Variants in GALNT13 observed in about 807,000 individuals in gnomAD.
The protein encoded by GALNT13 is polypeptide N-acetylgalactosaminyltransferase 13.
A neutral mutation model predicts 64.2 loss-of-function variants in GALNT13; 28 were observed. The observed-to-expected ratio is 0.44, with a 90% CI of 0.32 to 0.60. The LOEUF is 0.60. Ranked by LOEUF, GALNT13 falls within the 20% of genes least tolerant of loss-of-function variation. GALNT13 has a pLI of 0.05. For synonymous variants in GALNT13, 214 were observed against 224.6 expected, an observed-to-expected ratio of 0.95 and a Z score of 0.42; for missense variants, 577 against 669.8, an observed-to-expected ratio of 0.86 and a Z score of 1.53.
chr2:154,012,327 G>A (rs1489216543), intron 3 of GALNT13, among the ~76,000 whole-genome samples: 1 of 144,500 alleles, frequency 6.9e-6, no homozygotes, highest in Non-Finnish European at 1.6e-5. Flanking sequence ...CATTTATGAG[G>A]CTTAGTGTGG....
chr2:154,230,974 G>A (rs112540129), intron 4 of GALNT13, among the ~76,000 whole-genome samples: 3,539 of 152,144 alleles, frequency 0.023, 120 homozygotes, highest in African/African-American at 0.073. Context: ...AAGAGAGGAG[G>A]TGGGCTTGTA....
At chr2:153,109,128 T>C in the GALNT13 span, among the ~76,000 whole-genome samples, 1 of 152,168 alleles carries the variant, frequency 6.6e-6, no homozygotes, top group East Asian at 1.9e-4. Flanking sequence ...TGTTCTGTTT[T>C]AGTACCCTAC....
the GALNT13 span, among the ~76,000 whole-genome samples, chr2:153,130,381 C>T: frequency 6.6e-6 from 1 of 152,084 alleles, no homozygotes; most frequent in South Asian, 2.1e-4. Context: ...GGTACAATCT[C>T]GTGAGCTTTA....
chr2:154,417,513 A>ATTTTTT (rs1387223429), intron 11 of GALNT13, among the ~76,000 whole-genome samples: 3 of 130,278 alleles, frequency 2.3e-5, no homozygotes, highest in South Asian at 2.2e-4. Context: ...TTATTTATTT[A>ATTTTTT]TTTATTTATT....
the GALNT13 span, among the ~76,000 whole-genome samples, chr2:153,075,483 T>C: frequency 6.6e-6 from 1 of 152,174 alleles, no homozygotes; most frequent in Non-Finnish European, 1.5e-5. Flanking sequence ...TGACCAATTA[T>C]ATAATTACTG....
chr2:153,703,565 G>C, the GALNT13 span, among the ~76,000 whole-genome samples: 1 of 151,728 alleles, frequency 6.6e-6, no homozygotes, highest in Non-Finnish European at 1.5e-5. Flanking sequence ...TACTTCCAAA[G>C]AGTTGCTCTT....
At chr2:153,397,271 A>G in the GALNT13 span, among the ~76,000 whole-genome samples, 2 of 152,174 alleles carry the variant, frequency 1.3e-5, no homozygotes, top group Non-Finnish European at 2.9e-5. Flanking sequence ...TGTATGTTCA[A>G]ATCTATGCAT....
chr2:153,704,592 A>G, the GALNT13 span, among the ~76,000 whole-genome samples: 1 of 152,192 alleles, frequency 6.6e-6, no homozygotes. Context: ...TGAAATAAGC[A>G]AAGTGGCTAT....
At chr2:154,116,183 A>G (rs1681548349) in intron 3 of GALNT13, among the ~76,000 whole-genome samples, 1 of 152,152 alleles carries the variant, frequency 6.6e-6, no homozygotes, top group African/African-American at 2.4e-5. Flanking sequence ...GGGATGGGGA[A>G]GCTGTTTCTT....
At chr2:153,536,558 T>C in the GALNT13 span, among the ~76,000 whole-genome samples, 14 of 152,192 alleles carry the variant, frequency 9.2e-5, no homozygotes, top group African/African-American at 1.7e-4. Flanking sequence ...GAGAGAGATA[T>C]CAAGTTTTAA....
rs140388852 is a variant in GALNT13, at chr2:154,290,535, A to G, written c.976-10874A>G. On this transcript the variant is annotated intron_variant, in intron 8 of 12. Coordinates refer to ENST00000392825, the MANE Select transcript of GALNT13 (RefSeq NM_052917.4). Reference sequence around the variant, plus strand: ...GGAGGCGGCTTATTCTTTATTGGCTATGTAGGTTCCCAGATACTGGCTTGT... The same window carrying G: ...GGAGGCGGCTTATTCTTTATTGGCTGTGTAGGTTCCCAGATACTGGCTTGT... 3.2e-4 allele frequency among the ~76,000 whole-genome samples: 49 copies of G among 152,296 alleles called. No homozygotes were observed. The South Asian group carries it at 1.0e-2, about 31-fold the overall frequency.
At chr2:153,665,324 G>A in the GALNT13 span, among the ~76,000 whole-genome samples, 3 of 152,180 alleles carry the variant, frequency 2.0e-5, no homozygotes, top group Non-Finnish European at 2.9e-5. Flanking sequence ...AAGAAAGGAA[G>A]CATGACCAGC....
At chr2:153,389,415 A>G in the GALNT13 span, among the ~76,000 whole-genome samples, 1 of 152,020 alleles carries the variant, frequency 6.6e-6, no homozygotes, top group Non-Finnish European at 1.5e-5. Context: ...TAAGAGGTAA[A>G]GGCTTCATGG....
At chr2:154,310,756 T>C (rs1409604398) in intron 9 of GALNT13, among the ~76,000 whole-genome samples, 1 of 152,074 alleles carries the variant, frequency 6.6e-6, no homozygotes, top group Non-Finnish European at 1.5e-5. Context: ...CTGGGTTAAT[T>C]CAAATCCTGA....
At chr2:154,032,692 A>C (rs546358446) in intron 3 of GALNT13, among the ~76,000 whole-genome samples, 5 of 152,084 alleles carry the variant, frequency 3.3e-5, no homozygotes, top group African/African-American at 1.2e-4. Context: ...AGCATTTGAC[A>C]AAATTCAACA....
chr2:154,194,291 T>C (rs6435067), intron 4 of GALNT13, among the ~76,000 whole-genome samples: 122,119 of 152,160 alleles, frequency 0.8, 49,833 homozygotes, highest in East Asian at 0.97. Flanking sequence ...CTGTGCTTTA[T>C]TGACTCTAGA....
Position 153,936,865 on chromosome 2 carries a change from C to T in GALNT13, c.-104-7529C>T, listed in dbSNP as rs550055011. Among the ~76,000 whole-genome samples, 11 of 152,034 alleles carry T rather than the reference C, an allele frequency of 7.2e-5. No individual in the cohort carries two copies. The East Asian group carries it at 1.2e-3, about 16-fold the overall frequency. Reference sequence around the variant, plus strand: ...CCTCCTGAGTAGCTGGGACTACAGGCGTGTGCCACCATGCCCGGCTAGTTT... The same window carrying T: ...CCTCCTGAGTAGCTGGGACTACAGGTGTGTGCCACCATGCCCGGCTAGTTT... On this transcript the variant is annotated intron_variant, in intron 2 of 12. Coordinates refer to ENST00000392825, the MANE Select transcript of GALNT13 (RefSeq NM_052917.4).
intron 3 of GALNT13, among the ~76,000 whole-genome samples, chr2:153,971,298 G>T (rs1225861408): frequency 3.3e-5 from 5 of 151,962 alleles, no homozygotes; most frequent in African/African-American, 9.7e-5. Flanking sequence ...TCTCTGCCTT[G>T]TTTTTTTACC....
chr2:153,191,954 T>C, the GALNT13 span, among the ~76,000 whole-genome samples: 2 of 151,924 alleles, frequency 1.3e-5, no homozygotes, highest in Non-Finnish European at 2.9e-5. Flanking sequence ...TTTACTTGGT[T>C]AATTTTATGG....
Sources: gnomAD v4.1 joint callset for allele counts (sites outside exome capture counted in the v4.1 genomes callset) on GRCh38, gnomAD v4.1.1 for gene constraint, MANE v1.5 for transcripts, NCBI Gene and HGNC (gene_info 2026-07-23, HGNC 2026-07-21) for gene names.